Variants in RNF13 observed in about 807,000 individuals in gnomAD.
RNF13 encodes the protein ring finger protein 13, also known as E3 ubiquitin-protein ligase RNF13.
Under a neutral mutation model 37.7 loss-of-function variants are expected in RNF13, and 19 were observed. The observed-to-expected ratio is 0.50, with a 90% CI of 0.35 to 0.74. The LOEUF (loss-of-function observed/expected upper bound fraction) is 0.74. Ranked by LOEUF, RNF13 falls within the 30% of genes least tolerant of loss-of-function variation. RNF13 has a pLI of 0.01. For synonymous variants in RNF13, 144 were observed against 157.8 expected, an observed-to-expected ratio of 0.91 and a Z score of 0.65; for missense variants, 375 against 453.0, an observed-to-expected ratio of 0.83 and a Z score of 1.56.
At chr3:149,855,091 A>G (rs1031261248) in intron 3 of RNF13, among the ~76,000 whole-genome samples, 6 of 152,162 alleles carry the variant, frequency 3.9e-5, no homozygotes, top group Non-Finnish European at 8.8e-5. Context: ...TGGGAGGCCA[A>G]GGTGGGTAGA....
chr3:149,928,982 C>A (rs1718920912), intron 8 of RNF13, among the ~76,000 whole-genome samples: 1 of 152,040 alleles, frequency 6.6e-6, no homozygotes, highest in African/African-American at 2.4e-5. Flanking sequence ...TTGTTCATTG[C>A]TGGTGTGGAG....
intron 8 of RNF13, among the ~76,000 whole-genome samples, chr3:149,922,439 A>T (rs1718236034): frequency 6.6e-6 from 1 of 152,264 alleles, no homozygotes; most frequent in South Asian, 2.1e-4. Flanking sequence ...CAGGAGAAGG[A>T]TGCACAGTCT....
At chr3:149,846,790 G>GT (rs1722680048) in intron 2 of RNF13, among the ~76,000 whole-genome samples, 1 of 152,192 alleles carries the variant, frequency 6.6e-6, no homozygotes, top group South Asian at 2.1e-4. Flanking sequence ...CTTAATGACT[G>GT]TAAGATCTCA....
At chr3:149,944,159 A>G (rs1035390299) in intron 8 of RNF13, among the ~76,000 whole-genome samples, 4 of 152,062 alleles carry the variant, frequency 2.6e-5, no homozygotes, top group Admixed American at 2.6e-4. Context: ...ATCCTTTTTT[A>G]TGGCTGCATA....
rs570425343 is a variant in RNF13, at chr3:149,924,237, T to C, written c.700+3010T>C. Reference sequence around the variant, plus strand: ...GGTTAATGTATGAGAGAGCAGGTTTTAGGAGGGAAATTGGAAGATTGGTAT... The same window carrying C: ...GGTTAATGTATGAGAGAGCAGGTTTCAGGAGGGAAATTGGAAGATTGGTAT... On this transcript the variant is annotated intron_variant, in intron 8 of 9. Coordinates refer to ENST00000392894, the MANE Select transcript of RNF13 (RefSeq NM_183381.3). Among the ~76,000 whole-genome samples, 4 of 152,234 alleles carry C rather than the reference T, an allele frequency of 2.6e-5. No individual in the cohort carries two copies. In the East Asian group the frequency reaches 7.7e-4, roughly 29 times the overall value.
At chr3:149,849,062 T>C (rs895444313) in intron 2 of RNF13, among the ~76,000 whole-genome samples, 1 of 152,220 alleles carries the variant, frequency 6.6e-6, no homozygotes, top group Non-Finnish European at 1.5e-5. Flanking sequence ...TACTTTTAGA[T>C]TACTGTTTTT....
At chr3:149,896,186 A>G (rs762137297) in intron 5 of RNF13, among the ~76,000 whole-genome samples, 9 of 152,208 alleles carry the variant, frequency 5.9e-5, no homozygotes, top group Non-Finnish European at 1.2e-4. Flanking sequence ...GGTTTTATCA[A>G]AACCTTTCTA....
chr3:149,911,803 G>C (rs1283879262), intron 6 of RNF13, among the ~76,000 whole-genome samples, 175 bp from the exon 7 acceptor site: 1 of 152,160 alleles, frequency 6.6e-6, no homozygotes, highest in Admixed American at 6.5e-5. Context: ...ACTTAAAGAT[G>C]TAGAAAGCAT....
At chr3:149,941,927 G>C (rs1363380872) in intron 8 of RNF13, among the ~76,000 whole-genome samples, 1 of 39,308 alleles carries the variant, frequency 2.5e-5, no homozygotes, top group Non-Finnish European at 6.0e-5. Context: ...TTAGGCATGT[G>C]GATATCCCAG....
intron 4 of RNF13, among the ~76,000 whole-genome samples, chr3:149,874,256 A>G (rs1712431857): frequency 6.6e-6 from 1 of 152,148 alleles, no homozygotes; most frequent in Non-Finnish European, 1.5e-5. Flanking sequence ...TGTCTTTGTC[A>G]GAGTTGTATA....
chr3:149,927,473 A>G (rs1459507437), intron 8 of RNF13, among the ~76,000 whole-genome samples: 1 of 152,196 alleles, frequency 6.6e-6, no homozygotes, highest in Non-Finnish European at 1.5e-5. Context: ...GTTTAAGTCC[A>G]TGGATTCAAT....
intron 1 of RNF13, among the ~76,000 whole-genome samples, chr3:149,828,767 A>G (rs948716506): frequency 5.9e-5 from 9 of 152,026 alleles, no homozygotes; most frequent in Non-Finnish European, 1.0e-4. Flanking sequence ...GCCACTTACC[A>G]ATCTTTGGTT....
Position 149,869,313 on chromosome 3 carries a change from T to C in RNF13, c.196-2716T>C, listed in dbSNP as rs779405727. Among the ~76,000 whole-genome samples the C allele has an allele frequency of 3.3e-5, 5 of 151,908 alleles. 1 individual carries two copies. Among genetic ancestry groups the C allele is most frequent in the Non-Finnish European group, 7.4e-5 (5 of 67,882 alleles). On this transcript the variant is annotated intron_variant, in intron 3 of 9. Coordinates refer to ENST00000392894, the MANE Select transcript of RNF13 (RefSeq NM_183381.3). ...CTATTTTGAATTCTTGGTTAAAAAGTTCACATATTAGGCCGGGCGCGGTGG... is the reference window on the plus strand; with the variant it reads ...CTATTTTGAATTCTTGGTTAAAAAGCTCACATATTAGGCCGGGCGCGGTGG...
At chr3:149,957,569 C>G (rs1288011889) in intron 8 of RNF13, among the ~76,000 whole-genome samples, 1 of 152,188 alleles carries the variant, frequency 6.6e-6, no homozygotes. Flanking sequence ...AAGCATGCAG[C>G]TGATCATCTG....
chr3:149,828,678 CTT>C (rs558543870), intron 1 of RNF13, among the ~76,000 whole-genome samples: 7 of 151,400 alleles, frequency 4.6e-5, no homozygotes, highest in Non-Finnish European at 8.8e-5. Flanking sequence ...CTCTCTCTCT[CTT>C]TTTTTTTCTT....
chr3:149,925,472 G>C (rs1292782703), intron 8 of RNF13, among the ~76,000 whole-genome samples: 1 of 152,010 alleles, frequency 6.6e-6, no homozygotes, highest in Non-Finnish European at 1.5e-5. Flanking sequence ...TAAACAGTTG[G>C]CTTAATTTTG....
At chr3:149,884,325 A>C (rs1385783007) in intron 4 of RNF13, among the ~76,000 whole-genome samples, 4 of 151,888 alleles carry the variant, frequency 2.6e-5, no homozygotes. Context: ...TTACTGTAGC[A>C]CTACTATTTT....
At chr3:149,821,414 C>T (rs1450223536) in intron 1 of RNF13, among the ~76,000 whole-genome samples, 1 of 152,118 alleles carries the variant, frequency 6.6e-6, no homozygotes, top group Non-Finnish European at 1.5e-5. Context: ...TCCCAGATTA[C>T]TAATGATTTT....
Position 149,957,831 on chromosome 3 carries a change from TAA to T in RNF13, c.701-2223_701-2222del, listed in dbSNP as rs1441598341. 2.0e-5 allele frequency among the ~76,000 whole-genome samples: 3 copies of T among 152,162 alleles called. No individual in the cohort carries two copies. In the East Asian group the frequency reaches 5.8e-4, roughly 29 times the overall value. On this transcript the variant is annotated intron_variant, in intron 8 of 9. Coordinates refer to ENST00000392894, the MANE Select transcript of RNF13 (RefSeq NM_183381.3). The stretch of plus-strand genomic sequence containing the variant: ...CAAACATAAAGATAAGTGTTTTACA[TAA>T]AGTTACATAGCTAATAAAAGGACCA...
Sources: gnomAD v4.1 joint callset for allele counts (sites outside exome capture counted in the v4.1 genomes callset) on GRCh38, gnomAD v4.1.1 for gene constraint, MANE v1.5 for transcripts, NCBI Gene and HGNC (gene_info 2026-07-23, HGNC 2026-07-21) for gene names.